CENPM: variants seen among roughly 807,000 people sequenced by gnomAD.
The protein encoded by CENPM is centromere protein M, also known as interphase centromere complex protein 39.
A neutral mutation model predicts 19.6 loss-of-function variants in CENPM; 14 were observed. The ratio of observed to expected loss-of-function variants is 0.71; its 90% CI spans 0.47 to 1.11. CENPM has a LOEUF of 1.11. Among genes scored for constraint, CENPM ranks in the 50% most tolerant of loss-of-function variants. The pLI is 0.00. For synonymous variants in CENPM, 114 were observed against 101.5 expected, an observed-to-expected ratio of 1.12 and a Z score of -0.74; for missense variants, 239 against 228.4, an observed-to-expected ratio of 1.05 and a Z score of -0.30.
chr22:41,942,088 C>T (rs1453044235), intron 5 of CENPM, among the ~76,000 whole-genome samples: 1 of 152,186 alleles, frequency 6.6e-6, no homozygotes, highest in Non-Finnish European at 1.5e-5. Context: ...CCCTGCATTT[C>T]ATCACTTTGC....
At chr22:41,937,743 G>C (rs1255071131), downstream of CENPM, among the ~76,000 whole-genome samples, 2 of 151,986 alleles carry the variant, frequency 1.3e-5, no homozygotes, top group African/African-American at 2.4e-5. Flanking sequence ...TCACATCTGA[G>C]AAAACAAGCT....
At chr22:41,945,510 G>A in intron 3 of CENPM, 1 of 1,053,662 alleles carries the variant, frequency 9.5e-7, no homozygotes, top group Non-Finnish European at 1.3e-6. Flanking sequence ...GAGTGCAGTA[G>A]CGCGATCTTG....
downstream of CENPM, among the ~76,000 whole-genome samples, chr22:41,935,503 C>G (rs915776820): frequency 2.6e-5 from 4 of 152,180 alleles, no homozygotes; most frequent in Non-Finnish European, 5.9e-5. Context: ...GGAAGGCTGG[C>G]CTTCCGGGCT....
chr22:41,933,131 G>A, the CENPM span, among the ~76,000 whole-genome samples: 1 of 152,274 alleles, frequency 6.6e-6, no homozygotes, highest in Non-Finnish European at 1.5e-5. Context: ...AAGGATGTCT[G>A]GGGGAAGCAG....
At position 41,945,323 on chromosome 22, in the gene CENPM, G is replaced by A. The variant is rs1265087581; in HGVS notation, c.231-19C>T. ...CTGGAGACTGGGGTGGCCAGGCCAG[G>A]GTGAGAAAACAAACCAGAGAACAAA... On this transcript the variant is annotated intron_variant, in intron 3 of 5. Coordinates refer to ENST00000215980, the MANE Select transcript of CENPM (RefSeq NM_024053.5). 6.2e-7 allele frequency: 1 copy of A among 1,613,732 alleles called. No individual in the cohort carries two copies. The highest frequency in any genetic ancestry group is 8.5e-7 in the Non-Finnish European group (1 of 1,179,984).
Position 41,947,105 on chromosome 22 carries a change from G to C in CENPM, c.-29C>G. ...AGCCGCAGGACCAACCGTTGCTCCT[G>C]CGGTGCGCGCCGATCTTTCAAACCG... On this transcript the variant is annotated 5_prime_UTR_variant, in exon 1 of 6. Coordinates refer to ENST00000215980, the MANE Select transcript of CENPM (RefSeq NM_024053.5). 6.2e-7 allele frequency: 1 copy of C among 1,610,310 alleles called. No individual in the cohort carries two copies. The highest frequency in any genetic ancestry group is 8.5e-7 in the Non-Finnish European group (1 of 1,178,052).
rs1159957315 is a variant in CENPM at position 41,943,627 on chromosome 22, G to A, written c.385C>T (p.Leu129Phe). Residue 129 changes from leucine to phenylalanine, a missense_variant, in exon 5 of 6, where the codon CTC becomes TTC. Physicochemically the swap from Leu to Phe is conservative, Grantham distance 22. Coordinates refer to ENST00000215980, the MANE Select transcript of CENPM (RefSeq NM_024053.5). Reference protein sequence around the residue: ...KLAHTYQSPLLYCDLEVEGFR... With the variant: ...KLAHTYQSPLFYCDLEVEGFR... ...ATGCTCACCTCCAGGTCACAGTAGA[G>A]CAGGGGGCTTTGATAGGTGTGGGCC... 1 of 1,613,886 alleles carries A rather than the reference G, an allele frequency of 6.2e-7. No homozygotes were observed.
At chr22:41,933,053 A>T in the CENPM span, among the ~76,000 whole-genome samples, 2 of 152,128 alleles carry the variant, frequency 1.3e-5, no homozygotes, top group Non-Finnish European at 2.9e-5. Context: ...TGCAATTTCA[A>T]ACAGGGGAGT....
chr22:41,931,523 T>A, the CENPM span, among the ~76,000 whole-genome samples: 1 of 150,718 alleles, frequency 6.6e-6, no homozygotes, highest in Non-Finnish European at 1.5e-5. Context: ...TAGTTTGGGG[T>A]CTTCAGAGAG....
rs764711908 is a variant in CENPM at position 41,939,110 on chromosome 22, CAG to C, written c.487_488del (p.Leu163GlufsTer10). The part of the protein sequence containing the change: ...CAGHVPGVSA[L>X]NLLSLLRSSE... ...AGCTTCTCAGCAGGGACAGCAGGTT[CAG>C]AGCTGAGACACCGGGCACGTGGCCA... On this transcript the variant is annotated frameshift_variant, in exon 6 of 6. Transcript: ENST00000215980. LOFTEE classifies it high-confidence loss of function. 2 of 1,613,064 alleles carry C rather than the reference CAG, an allele frequency of 1.2e-6. No individual in the cohort carries two copies. The highest frequency in any genetic ancestry group is 8.5e-7 in the Non-Finnish European group (1 of 1,180,000).
intron 3 of CENPM, 121 bp from the exon 4 acceptor site, chr22:41,945,425 C>A: frequency 1.4e-6 from 2 of 1,461,430 alleles, no homozygotes; most frequent in Non-Finnish European, 1.8e-6. Flanking sequence ...GTGACTTTCT[C>A]TGGAGAAATA....
chr22:41,937,588 C>A (rs115597461), downstream of CENPM, among the ~76,000 whole-genome samples: 59 of 152,308 alleles, frequency 3.9e-4, no homozygotes, highest in Non-Finnish European at 7.6e-4. Context: ...TCACTGAGTG[C>A]CTACCTAGCA....
chr22:41,939,578 C>T (rs1178081594), intron 5 of CENPM, among the ~76,000 whole-genome samples: 1 of 151,832 alleles, frequency 6.6e-6, no homozygotes, highest in Admixed American at 6.6e-5. Context: ...ATGCTCAAGA[C>T]CAGGGAGCAG....
intron 5 of CENPM, among the ~76,000 whole-genome samples, 194 bp from the exon 6 acceptor site, chr22:41,939,390 A>G (rs2077705115): frequency 2.0e-5 from 3 of 152,154 alleles, no homozygotes; most frequent in Admixed American, 2.0e-4. Context: ...AGCTTGCCCA[A>G]TCCTTCAAAC....
In CENPM at chr22:41,945,305, CTGGGG is replaced by C. The variant is rs1569428173; in HGVS notation, c.231-6_231-2del. On this transcript the variant is annotated splice_acceptor_variant and splice_polypyrimidine_tract_variant and intron_variant, in intron 3 of 5. Transcript: ENST00000215980. LOFTEE classifies it high-confidence loss of function. ...CAGGGACTCCTCTGTGTTCTGGAGA[CTGGGG>C]TGGCCAGGCCAGGGTGAGAAAACAA... is the stretch of plus-strand genomic sequence containing the variant. The C allele has an allele frequency of 6.2e-7, 1 of 1,614,002 alleles. No homozygotes were observed.
intron 1 of CENPM, 194 bp from the exon 2 acceptor site, chr22:41,946,690 G>A (rs935503914): frequency 3.5e-5 from 21 of 603,202 alleles, no homozygotes; most frequent in Middle Eastern, 4.4e-4. Flanking sequence ...AGGCCTGTGG[G>A]CACCGCACTC....
the CENPM span, chr22:41,928,088 T>G: frequency 6.3e-6 from 2 of 318,606 alleles, no homozygotes; most frequent in Non-Finnish European, 1.3e-5. This position sits in a 1 kb window ranked among gnomAD's most constrained non-coding sequence, Gnocchi z 4.0. Flanking sequence ...GGGCCTTATC[T>G]AGCACATTAG....
At chr22:41,944,159 G>C in intron 4 of CENPM, 2 of 985,296 alleles carry the variant, frequency 2.0e-6, no homozygotes, top group Non-Finnish European at 2.4e-6. Flanking sequence ...ACAAAAAGAG[G>C]ACGGCCGGGT....
intron 2 of CENPM, 90 bp downstream of exon 2, chr22:41,946,327 G>A (rs2077801406): frequency 7.2e-6 from 8 of 1,106,754 alleles, no homozygotes; most frequent in Non-Finnish European, 9.3e-6. Context: ...CTCAGAGGAG[G>A]GGGCGCTGGG....
Sources: gnomAD v4.1 joint callset for allele counts (sites outside exome capture counted in the v4.1 genomes callset) on GRCh38, gnomAD v4.1.1 for gene constraint, Gnocchi (gnomAD v3.1) non-coding constraint, MANE v1.5 for transcripts, NCBI Gene and HGNC (gene_info 2026-07-23, HGNC 2026-07-21) for gene names.